ABTB2: variants seen among roughly 807,000 people sequenced by gnomAD.
ABTB2 encodes ankyrin repeat and BTB domain containing 2, also known as ankyrin repeat and BTB/POZ domain-containing protein 2.
In ABTB2, 56 loss-of-function variants were observed where a neutral mutation model predicts 104.1. That is an observed-to-expected ratio of 0.54 (90% CI 0.43 to 0.67). ABTB2 has a LOEUF of 0.67. Ranked by LOEUF, ABTB2 falls within the 30% of genes least tolerant of loss-of-function variation. The pLI is 0.00. For missense variants in ABTB2, 1,279 were observed against 1,407.7 expected, an observed-to-expected ratio of 0.91 and a Z score of 1.46; for synonymous variants, 606 against 608.2, an observed-to-expected ratio of 1.00 and a Z score of 0.05.
At chr11:34,187,953 C>G (rs995756251) in intron 3 of ABTB2, among the ~76,000 whole-genome samples, 1 of 152,210 alleles carries the variant, frequency 6.6e-6, no homozygotes. Context: ...TCATTGAACA[C>G]AACGTGGTCT....
intron 1 of ABTB2, among the ~76,000 whole-genome samples, chr11:34,304,747 T>C (rs2133101121): frequency 6.6e-6 from 1 of 151,914 alleles, no homozygotes; most frequent in African/African-American, 2.4e-5. Context: ...AAATAGTTTG[T>C]CCATGGACAT....
At chr11:34,197,745 CT>C (rs1853280817) in intron 2 of ABTB2, among the ~76,000 whole-genome samples, 1 of 152,184 alleles carries the variant, frequency 6.6e-6, no homozygotes, top group Admixed American at 6.5e-5. Flanking sequence ...TCATTTCACT[CT>C]TGCTGAATTA....
chr11:34,173,423 A>G (rs1305645516), intron 3 of ABTB2, 116 bp from the exon 4 acceptor site: 5 of 1,275,424 alleles, frequency 3.9e-6, no homozygotes, highest in Non-Finnish European at 5.3e-6. Flanking sequence ...GGTCAGTCCT[A>G]GGGTGGGGGG....
intron 3 of ABTB2, among the ~76,000 whole-genome samples, chr11:34,192,588 A>G (rs2955942): frequency 0.97 from 148,400 of 152,324 alleles, 72,409 homozygotes; most frequent in East Asian, 1. Flanking sequence ...TGAGTGTGCC[A>G]CCCTCCACAG....
chr11:34,183,024 T>C (rs1211445637), intron 3 of ABTB2, among the ~76,000 whole-genome samples: 1 of 152,184 alleles, frequency 6.6e-6, no homozygotes, highest in Admixed American at 6.5e-5. Flanking sequence ...ATTCTTCACC[T>C]GGTGCTGGCC....
intron 3 of ABTB2, among the ~76,000 whole-genome samples, chr11:34,184,584 C>T (rs1853071136): frequency 6.6e-6 from 1 of 152,254 alleles, no homozygotes; most frequent in African/African-American, 2.4e-5. Flanking sequence ...CGCTTTCCCA[C>T]ACGGCAGGGA....
At position 34,357,072 on chromosome 11, in the gene ABTB2, G is replaced by A; in HGVS notation, c.512C>T (p.Ala171Val). The A allele has an allele frequency of 6.6e-7, 1 of 1,523,612 alleles. No individual in the cohort carries two copies. 94.4% of individuals were successfully genotyped at this position (1,523,612 alleles called of 1,614,324 possible). A position where few individuals can be genotyped will look rare whatever the true frequency, so the allele number is the denominator to read the frequency against. The change falls in exon 1 of 17, where the codon GCC (alanine) becomes GTC (valine). Residue 171 changes from alanine (A) to valine (V), a missense_variant. Ala to Val is a moderately conservative substitution (Grantham distance 64). Transcript: ENST00000435224. ...AVRLVHSWAL[A>V]ESCALAAVKA... ...GACGGCTGCCAGCGCGCAGCTCTCG[G>A]CCAGCGCCCAGCTGTGCACCAGGCG...
chr11:34,192,955 G>C (rs7924755), intron 3 of ABTB2, among the ~76,000 whole-genome samples: 1 of 152,128 alleles, frequency 6.6e-6, no homozygotes, highest in African/African-American at 2.4e-5. Flanking sequence ...GCCTTCCTAC[G>C]TGTCTGCGTA....
At chr11:34,314,547 TTTC>T (rs1854901340) in intron 1 of ABTB2, among the ~76,000 whole-genome samples, 2 of 152,252 alleles carry the variant, frequency 1.3e-5, no homozygotes, top group South Asian at 4.2e-4. Flanking sequence ...GGCATGATCT[TTTC>T]TTCTCTGCAC....
chr11:34,248,317 T>C (rs1295786162), intron 1 of ABTB2, among the ~76,000 whole-genome samples: 1 of 151,858 alleles, frequency 6.6e-6, no homozygotes, highest in Non-Finnish European at 1.5e-5. Context: ...GGTCTCAAGC[T>C]CCTGGCCTCA....
At chr11:34,155,968 C>G (rs948593517) in intron 14 of ABTB2, among the ~76,000 whole-genome samples, 1 of 152,228 alleles carries the variant, frequency 6.6e-6, no homozygotes, top group Non-Finnish European at 1.5e-5. Context: ...GGAGCAGTGC[C>G]TGGAATGCCC....
chr11:34,197,006 A>T (rs543602537), intron 3 of ABTB2, among the ~76,000 whole-genome samples: 54 of 152,290 alleles, frequency 3.5e-4, no homozygotes, highest in African/African-American at 8.7e-4. Flanking sequence ...GGTGGGTGTG[A>T]CTATCTCATT....
At position 34,159,976 on chromosome 11, in the gene ABTB2, C is replaced by T; in HGVS notation, c.2536G>A (p.Asp846Asn). ...PHFLNNKEMS[D>N]VTFLVEGKLF... is the part of the protein sequence containing the mutation. ...TTTCCTTCCACCAGGAAGGTCACAT[C>T]TGACATCTCCTTATTGTTCAAAAAG... The change falls in exon 13 of 17, where the codon GAT (aspartate) becomes AAT (asparagine). Residue 846 changes from aspartate to asparagine, a missense_variant. Transcript: ENST00000435224. 6.2e-7 allele frequency: 1 copy of T among 1,613,892 alleles called. No homozygotes were observed. The highest frequency in any genetic ancestry group is 2.2e-5 in the East Asian group (1 of 44,892).
At chr11:34,259,890 G>T (rs796355653) in intron 1 of ABTB2, among the ~76,000 whole-genome samples, 1 of 151,952 alleles carries the variant, frequency 6.6e-6, no homozygotes, top group East Asian at 1.9e-4. Flanking sequence ...TTGCAGCCTC[G>T]ACCTCCTGGG....
chr11:34,270,619 C>A (rs1354081183), intron 1 of ABTB2, among the ~76,000 whole-genome samples: 1 of 152,198 alleles, frequency 6.6e-6, no homozygotes, highest in Non-Finnish European at 1.5e-5. Flanking sequence ...GGATTACAGG[C>A]GTGAGCCACC....
At chr11:34,189,538 T>A (rs1390494078) in intron 3 of ABTB2, among the ~76,000 whole-genome samples, 1 of 152,296 alleles carries the variant, frequency 6.6e-6, no homozygotes, top group African/African-American at 2.4e-5. Flanking sequence ...GAGGTCGACG[T>A]TGCAGTGAGC....
At chr11:34,269,962 T>C (rs1047448738) in intron 1 of ABTB2, among the ~76,000 whole-genome samples, 50 of 152,166 alleles carry the variant, frequency 3.3e-4, no homozygotes, top group Non-Finnish European at 7.3e-5. Flanking sequence ...GATAAGAAAA[T>C]CAAACAAGTC....
intron 1 of ABTB2, among the ~76,000 whole-genome samples, chr11:34,297,182 G>A (rs1290911048): frequency 6.6e-6 from 1 of 152,094 alleles, no homozygotes; most frequent in East Asian, 1.9e-4. Context: ...CTGGTACCCG[G>A]CACACAGTAG....
Position 34,204,592 on chromosome 11 carries a change from G to A in ABTB2, c.982C>T (p.Leu328=). 1 of 1,613,818 alleles carries A rather than the reference G, an allele frequency of 6.2e-7. No individual in the cohort carries two copies. Among genetic ancestry groups the A allele is most frequent in the Non-Finnish European group, 8.5e-7 (1 of 1,180,010 alleles). ...DAYAQLELRT[L]EQSLLATCVG... ...CAGGTGGCCAGGAGGGACTGCTCCA[G>A]GGTTCGGAGCTCCAGCTGGGCATAG... is the stretch of plus-strand genomic sequence containing the variant. The change falls in exon 2 of 17, where the codon CTG becomes TTG. Residue 328 remains leucine (L), a synonymous_variant. Coordinates refer to ENST00000435224, the MANE Select transcript of ABTB2 (RefSeq NM_145804.3).
Sources: gnomAD v4.1 joint callset for allele counts (sites outside exome capture counted in the v4.1 genomes callset) on GRCh38, gnomAD v4.1.1 for gene constraint, MANE v1.5 for transcripts, NCBI Gene and HGNC (gene_info 2026-07-23, HGNC 2026-07-21) for gene names.